UBE2V1: variants seen among roughly 807,000 people sequenced by gnomAD.
UBE2V1 encodes ubiquitin-conjugating enzyme E2 variant 1.
In UBE2V1, 15 loss-of-function variants were observed where a neutral mutation model predicts 19.6. The ratio of observed to expected loss-of-function variants is 0.77; its 90% confidence interval spans 0.51 to 1.18. The LOEUF (loss-of-function observed/expected upper bound fraction) is 1.18. Among genes scored for constraint, UBE2V1 ranks in the 50% most tolerant of loss-of-function variants. The probability of loss-of-function intolerance (pLI) is 0.00; values close to 1 mark genes in which losing one functional copy is unlikely to be tolerated. For missense variants in UBE2V1, 125 were observed against 184.8 expected, an observed-to-expected ratio of 0.68 and a Z score of 1.88; for synonymous variants, 60 against 60.7, an observed-to-expected ratio of 0.99 and a Z score of 0.05.
At chr20:50,100,034 G>A (rs1023729844) in intron 1 of UBE2V1, among the ~76,000 whole-genome samples, 6 of 151,020 alleles carry the variant, frequency 4.0e-5, no homozygotes, top group Admixed American at 3.3e-4. Flanking sequence ...GAAGGCGGAG[G>A]TTGCAGTGAG....
chr20:50,090,826 C>T (rs1013521226), intron 2 of UBE2V1, among the ~76,000 whole-genome samples: 4 of 152,150 alleles, frequency 2.6e-5, no homozygotes, highest in Admixed American at 6.5e-5. Flanking sequence ...GGTAGCTACA[C>T]GTGGTGATGG....
intron 2 of UBE2V1, chr20:50,095,239 A>T (rs1360215333): frequency 6.6e-6 from 1 of 152,186 alleles, no homozygotes; most frequent in Non-Finnish European, 1.5e-5. Flanking sequence ...AAGAAACCGA[A>T]ATCATTCTTA....
At chr20:50,101,992 C>T (rs1459875414) in intron 1 of UBE2V1, among the ~76,000 whole-genome samples, 1 of 152,088 alleles carries the variant, frequency 6.6e-6, no homozygotes, top group African/African-American at 2.4e-5. Context: ...TAAGGGTAAT[C>T]GGGGGGAGCT....
chr20:50,085,494 C>A, intron 2 of UBE2V1, among the ~76,000 whole-genome samples: 1 of 152,254 alleles, frequency 6.6e-6, no homozygotes, highest in South Asian at 2.1e-4. Flanking sequence ...GAGTAACCCC[C>A]TCAAAGGCAG....
chr20:50,112,490 T>G (rs2080822736), intron 1 of UBE2V1, among the ~76,000 whole-genome samples: 1 of 151,992 alleles, frequency 6.6e-6, no homozygotes, highest in Admixed American at 6.6e-5. Context: ...CCCCCTTCAT[T>G]CTCCCCAAAA....
At chr20:50,115,918 A>T, upstream of UBE2V1, 1 of 186,650 alleles carries the variant, frequency 5.4e-6, no homozygotes, top group Non-Finnish European at 1.1e-5. Context: ...GACAATAATA[A>T]TTCCCGTGCC....
At chr20:50,101,571 C>CAGAAAA in intron 1 of UBE2V1, among the ~76,000 whole-genome samples, 1 of 71,192 alleles carries the variant, frequency 1.4e-5, no homozygotes, top group Non-Finnish European at 2.7e-5. Context: ...CATTTATAAG[C>CAGAAAA]AAAAAAAAAA....
At chr20:50,115,430 C>T, upstream of UBE2V1, 1 of 1,449,260 alleles carries the variant, frequency 6.9e-7, no homozygotes, top group Non-Finnish European at 9.2e-7. Context: ...GACTTGGGGT[C>T]ACTGTAAAGC....
chr20:50,094,208 A>AT lies in UBE2V1; in HGVS notation c.171+2463_171+2464insA, dbSNP rs2079456310. 3.5e-5 allele frequency among the ~76,000 whole-genome samples: 4 copies of AT among 113,474 alleles called. No homozygotes were observed. In the Admixed American group the frequency reaches 4.0e-4, roughly 11 times the overall value. 74.4% of individuals were successfully genotyped at this position (113,474 alleles called of 152,430 possible). The stretch of plus-strand genomic sequence containing the variant: ...TGTTATATAAATATACAGTATATAT[A>AT]ATATATAACATATGCATTATATAAT... On this transcript the variant is annotated intron_variant, in intron 2 of 3. Transcript: ENST00000371674.
Position 50,084,092 on chromosome 20 carries a change from A to C in UBE2V1, c.297+37T>G, listed in dbSNP as rs768351047. The C allele has an allele frequency of 2.3e-5, 35 of 1,539,598 alleles. No homozygotes were observed. In the South Asian group the frequency reaches 3.5e-4, roughly 15 times the overall value. Reference sequence around the variant, plus strand: ...GATGTTAAGTACAAAGCAACTGTCAACTCCAAGGAACAAGTGGGACAGAGA... The same window carrying C: ...GATGTTAAGTACAAAGCAACTGTCACCTCCAAGGAACAAGTGGGACAGAGA... On this transcript the variant is annotated intron_variant, in intron 3 of 3. Transcript: ENST00000371674.
At chr20:50,112,680 T>C (rs572242712) in intron 1 of UBE2V1, among the ~76,000 whole-genome samples, 1 of 152,232 alleles carries the variant, frequency 6.6e-6, no homozygotes, top group East Asian at 1.9e-4. Flanking sequence ...CCTCCAGACA[T>C]CCCAAGGCCC....
At chr20:50,105,114 T>A (rs1413815059) in intron 1 of UBE2V1, among the ~76,000 whole-genome samples, 2 of 152,198 alleles carry the variant, frequency 1.3e-5, no homozygotes, top group Non-Finnish European at 2.9e-5. Context: ...CCAAATCACA[T>A]AAGTCAAAGA....
At chr20:50,106,840 CCAAAAACAACAA>C (rs2080394580) in intron 1 of UBE2V1, among the ~76,000 whole-genome samples, 1 of 139,870 alleles carries the variant, frequency 7.1e-6, no homozygotes, top group African/African-American at 2.8e-5. Flanking sequence ...TGTTTCAAAA[CCAAAAACAACAA>C]CAACAACAAC....
intron 2 of UBE2V1, among the ~76,000 whole-genome samples, chr20:50,086,791 C>T (rs1444789488): frequency 6.6e-6 from 1 of 152,150 alleles, no homozygotes; most frequent in Non-Finnish European, 1.5e-5. Context: ...AAAGCCCCAA[C>T]CTAAGGCCGG....
At chr20:50,111,452 T>C in intron 1 of UBE2V1, 1 of 999,936 alleles carries the variant, frequency 1.0e-6, no homozygotes, top group Non-Finnish European at 1.2e-6. Context: ...CCGGTAGGAG[T>C]GTTATTCTGG....
upstream of UBE2V1, chr20:50,115,563 C>A: frequency 6.4e-7 from 1 of 1,563,348 alleles, no homozygotes; most frequent in Non-Finnish European, 8.7e-7. Flanking sequence ...GACGCTTGAA[C>A]CTCTCCTGGC....
At chr20:50,098,873 C>T (rs1217546094) in intron 1 of UBE2V1, 1 of 974,992 alleles carries the variant, frequency 1.0e-6, no homozygotes, top group African/African-American at 1.8e-5. Context: ...GCAAAACCTG[C>T]AAGCATACTT....
intron 2 of UBE2V1, 138 bp downstream of exon 2, chr20:50,096,534 A>G: frequency 6.3e-7 from 1 of 1,578,548 alleles, no homozygotes; most frequent in Non-Finnish European, 8.6e-7. Context: ...ATAAACTGAA[A>G]CTGGTCAAAA....
chr20:50,097,750 C>T (rs6012833), intron 1 of UBE2V1, among the ~76,000 whole-genome samples: 1 of 152,160 alleles, frequency 6.6e-6, no homozygotes, highest in Admixed American at 6.5e-5. Context: ...AAGTTCTCTG[C>T]CTTGAATGCT....
Sources: gnomAD v4.1 joint callset for allele counts (sites outside exome capture counted in the v4.1 genomes callset) on GRCh38, gnomAD v4.1.1 for gene constraint, MANE v1.5 for transcripts, NCBI Gene and HGNC (gene_info 2026-07-23, HGNC 2026-07-21) for gene names.